Variants in EXOC4 observed in about 807,000 individuals in gnomAD.
EXOC4 encodes SEC8-like 1.
In EXOC4, 71 loss-of-function variants were observed where a neutral mutation model predicts 107.2. The ratio of observed to expected loss-of-function variants is 0.66; its 90% confidence interval spans 0.55 to 0.81. The LOEUF (loss-of-function observed/expected upper bound fraction) is 0.81. Ranked by LOEUF, EXOC4 falls within the 30% of genes least tolerant of loss-of-function variation. The pLI is 0.00. For missense variants in EXOC4, 1,108 were observed against 1,189.6 expected (o/e 0.93, Z 1.01); for synonymous variants, 456 against 441.2 (o/e 1.03, Z -0.42).
the EXOC4 span, among the ~76,000 whole-genome samples, chr7:134,079,579 C>T: frequency 6.6e-6 from 1 of 152,172 alleles, no homozygotes; most frequent in African/African-American, 2.4e-5. Flanking sequence ...ACAGCCACCT[C>T]TGGAGAGTGT....
At chr7:133,621,837 T>A (rs1252798062) in intron 9 of EXOC4, among the ~76,000 whole-genome samples, 2 of 152,222 alleles carry the variant, frequency 1.3e-5, no homozygotes, top group Non-Finnish European at 2.9e-5. Flanking sequence ...CATAGCTTTT[T>A]TCTGTGTTGT....
chr7:134,082,603 C>G, the EXOC4 span, among the ~76,000 whole-genome samples: 19 of 152,176 alleles, frequency 1.2e-4, 1 homozygote, highest in East Asian at 3.5e-3. Flanking sequence ...ACCACACCCA[C>G]CTAATTTTTG....
At chr7:133,564,975 G>A (rs539217380) in intron 9 of EXOC4, among the ~76,000 whole-genome samples, 4 of 152,222 alleles carry the variant, frequency 2.6e-5, no homozygotes, top group African/African-American at 9.6e-5. Context: ...ACAACCTCGG[G>A]GTCTAACATG....
At chr7:133,765,874 A>G (rs1003704692) in intron 10 of EXOC4, among the ~76,000 whole-genome samples, 2 of 151,976 alleles carry the variant, frequency 1.3e-5, no homozygotes, top group Non-Finnish European at 1.5e-5. Context: ...CTTCTAGATG[A>G]CTTGCTTTCC....
rs1178341611 is a variant in EXOC4, at chr7:133,607,445, G to A, written c.1418-22600G>A. Among the ~76,000 whole-genome samples the A allele has an allele frequency of 3.3e-5, 5 of 152,192 alleles. No individual in the cohort carries two copies. In the East Asian group the frequency reaches 9.6e-4, roughly 29 times the overall value. On this transcript the variant is annotated intron_variant, in intron 9 of 17. Coordinates refer to ENST00000253861, the MANE Select transcript of EXOC4 (RefSeq NM_021807.4). Reference sequence around the variant, plus strand: ...GCATATGGTGTTGGATCTCAGACAAGATAGTATTGGAAATAAAAATAGATT... The same window carrying A: ...GCATATGGTGTTGGATCTCAGACAAAATAGTATTGGAAATAAAAATAGATT...
chr7:133,608,114 T>G (rs1407118830), intron 9 of EXOC4, among the ~76,000 whole-genome samples: 1 of 152,226 alleles, frequency 6.6e-6, no homozygotes, highest in Non-Finnish European at 1.5e-5. Flanking sequence ...CCTGGGGGTT[T>G]ATTGTTAAGC....
intron 9 of EXOC4, among the ~76,000 whole-genome samples, chr7:133,572,207 T>A (rs192726420): frequency 7.4e-4 from 113 of 152,330 alleles, no homozygotes; most frequent in African/African-American, 2.5e-3. Flanking sequence ...TACTTGTGCT[T>A]AGAGGTTCTT....
intron 5 of EXOC4, among the ~76,000 whole-genome samples, chr7:133,338,021 T>C (rs1795560077): frequency 6.6e-6 from 1 of 151,678 alleles, no homozygotes; most frequent in Non-Finnish European, 1.5e-5. Flanking sequence ...CTTTTTTTTT[T>C]TTTTAAGGAA....
chr7:133,525,371 T>G (rs1481042377), intron 9 of EXOC4, among the ~76,000 whole-genome samples: 17 of 152,186 alleles, frequency 1.1e-4, no homozygotes, highest in African/African-American at 4.1e-4. Context: ...GTGAGAATAA[T>G]AAGCTAGTGT....
chr7:133,491,747 G>C (rs917844681), intron 9 of EXOC4, among the ~76,000 whole-genome samples: 1 of 152,156 alleles, frequency 6.6e-6, no homozygotes, highest in African/African-American at 2.4e-5. Flanking sequence ...ACTTTGGGGA[G>C]TACAGAAGAG....
At position 133,584,704 on chromosome 7, in the gene EXOC4, G is replaced by T. The variant is rs1400747813; in HGVS notation, c.1418-45341G>T. Among the ~76,000 whole-genome samples, 3 of 149,200 alleles carry T rather than the reference G, an allele frequency of 2.0e-5. No homozygotes were observed. The East Asian group carries it at 6.1e-4, about 30-fold the overall frequency. Reference sequence around the variant, plus strand: ...AGTGACTCTCCTGCCTCAGCCTCCAGAGTGGCTGGGATTACAGATACGCTC... The same window carrying T: ...AGTGACTCTCCTGCCTCAGCCTCCATAGTGGCTGGGATTACAGATACGCTC... On this transcript the variant is annotated intron_variant, in intron 9 of 17. Coordinates refer to ENST00000253861, the MANE Select transcript of EXOC4 (RefSeq NM_021807.4).
chr7:133,786,987 CAG>C (rs1231131667), intron 10 of EXOC4, among the ~76,000 whole-genome samples: 2 of 152,164 alleles, frequency 1.3e-5, no homozygotes, highest in Non-Finnish European at 2.9e-5. Context: ...AAGATATAAA[CAG>C]AGAAGTAGTT....
rs1797610999 is a variant in EXOC4 at position 133,823,870 on chromosome 7, TATTATATATATATATATATATATTTTA to T, written c.1734+6327_1734+6353del. 1.6e-4 allele frequency among the ~76,000 whole-genome samples: 2 copies of T among 12,310 alleles called. 1 individual carries two copies. Among genetic ancestry groups the T allele is most frequent in the Non-Finnish European group, 2.5e-4 (2 of 7,894 alleles). 8.1% of individuals were successfully genotyped at this position (12,310 alleles called of 152,430 possible). On this transcript the variant is annotated intron_variant, in intron 11 of 17. Transcript: ENST00000253861. ...ATATATATATATATATATATATATA[TATTATATATATATATATATATATTTTA>T]TATATATATATATAAATATATATAT... is the stretch of plus-strand genomic sequence containing the variant.
chr7:133,515,438 C>T (rs1032625224), intron 9 of EXOC4, among the ~76,000 whole-genome samples: 3 of 151,588 alleles, frequency 2.0e-5, no homozygotes, highest in African/African-American at 4.9e-5. Context: ...CACATTTATA[C>T]GTGTGTATTT....
intron 10 of EXOC4, among the ~76,000 whole-genome samples, chr7:133,676,610 T>C (rs1794062650): frequency 6.6e-6 from 1 of 151,644 alleles, no homozygotes; most frequent in African/African-American, 2.4e-5. Flanking sequence ...GAAGGGAGGG[T>C]GTTATGTTTC....
intron 17 of EXOC4, chr7:134,009,883 T>A (rs1794725858): frequency 6.6e-6 from 1 of 152,170 alleles, no homozygotes; most frequent in South Asian, 2.1e-4. Context: ...CAATGCTGAC[T>A]GGGCAGGATT....
intron 7 of EXOC4, among the ~76,000 whole-genome samples, chr7:133,403,607 A>G (rs982616093): frequency 7.9e-5 from 12 of 152,304 alleles, no homozygotes; most frequent in Admixed American, 4.6e-4. Flanking sequence ...TAACTTCTGA[A>G]TATTACCATT....
At chr7:133,925,907 T>C (rs2116674210) in intron 13 of EXOC4, among the ~76,000 whole-genome samples, 1 of 151,926 alleles carries the variant, frequency 6.6e-6, no homozygotes, top group South Asian at 2.1e-4. Context: ...GGCATGGTTA[T>C]ACGTGCCTGT....
At chr7:133,412,854 A>G (rs1797393690) in intron 7 of EXOC4, among the ~76,000 whole-genome samples, 1 of 152,140 alleles carries the variant, frequency 6.6e-6, no homozygotes, top group Non-Finnish European at 1.5e-5. Context: ...GAAGATGTTT[A>G]CAATTACTCT....
Sources: allele counts gnomAD v4.1 joint callset (sites outside exome capture counted in the v4.1 genomes callset), GRCh38; gene constraint gnomAD v4.1.1; transcripts MANE v1.5; gene names NCBI Gene and HGNC (gene_info 2026-07-23, HGNC 2026-07-21).